Variants in PLCXD3 observed in about 807,000 individuals in gnomAD.
The protein encoded by PLCXD3 is PI-PLC X domain-containing protein 3.
Under a neutral mutation model 25.5 loss-of-function variants are expected in PLCXD3, and 19 were observed. That is an observed-to-expected ratio of 0.75 (90% CI 0.52 to 1.09). The LOEUF (loss-of-function observed/expected upper bound fraction) is 1.09, where lower values mean the gene tolerates loss of function less well. Ranked by LOEUF, PLCXD3 falls within the 50% of genes least tolerant of loss-of-function variation. The pLI is 0.00. For synonymous variants in PLCXD3, 174 were observed against 137.6 expected, an observed-to-expected ratio of 1.26 and a Z score of -1.85; for missense variants, 411 against 388.1, an observed-to-expected ratio of 1.06 and a Z score of -0.50.
intron 1 of PLCXD3, among the ~76,000 whole-genome samples, chr5:41,443,604 GAGAC>G (rs1380189143): frequency 5.9e-5 from 9 of 152,198 alleles, no homozygotes; most frequent in African/African-American, 2.2e-4. Context: ...ATTATTAGGA[GAGAC>G]AGAGCATGGA....
rs575317580 is a variant in PLCXD3, at chr5:41,388,741, T to C, written c.104-6207A>G. 1.6e-3 allele frequency among the ~76,000 whole-genome samples: 248 copies of C among 152,170 alleles called. 1 individual carries two copies. The highest frequency in any genetic ancestry group is 2.6e-3 in the Non-Finnish European group (179 of 67,962). ...TTTCATTAGTCATATTACTGTATTA[T>C]AATTTTAGCTAATAGAAAGACAACC... On this transcript the variant is annotated intron_variant, in intron 1 of 2. Coordinates refer to ENST00000377801, the MANE Select transcript of PLCXD3 (RefSeq NM_001005473.3).
At chr5:41,472,026 T>C (rs1251456380) in intron 1 of PLCXD3, among the ~76,000 whole-genome samples, 1 of 145,410 alleles carries the variant, frequency 6.9e-6, no homozygotes. Context: ...TCTTTTCTTC[T>C]CTTCTTCTCT....
In PLCXD3 at chr5:41,510,527, C is replaced by G; in HGVS notation, c.-1G>C. ...CGTTTTTCCCCTGAGACGAGGCCAT[C>G]GTGCCAGTCGGCGTGCAGCGCGCTG... On this transcript the variant is annotated 5_prime_UTR_variant, in exon 1 of 3. Transcript: ENST00000377801. 3.7e-6 allele frequency: 6 copies of G among 1,612,420 alleles called. No homozygotes were observed. The highest frequency in any genetic ancestry group is 3.3e-5 in the South Asian group (3 of 90,874).
At chr5:41,499,134 A>C (rs1580404555) in intron 1 of PLCXD3, among the ~76,000 whole-genome samples, 1 of 151,460 alleles carries the variant, frequency 6.6e-6, no homozygotes, top group Non-Finnish European at 1.5e-5. Context: ...ACATAATACT[A>C]TACACCCTAG....
At chr5:41,458,663 C>T (rs934589083) in intron 1 of PLCXD3, among the ~76,000 whole-genome samples, 2 of 151,888 alleles carry the variant, frequency 1.3e-5, no homozygotes, top group African/African-American at 4.8e-5. Flanking sequence ...GCTAAAATCC[C>T]ATGGAAATCT....
chr5:41,332,190 C>T (rs1190612776), intron 2 of PLCXD3, among the ~76,000 whole-genome samples: 1 of 152,120 alleles, frequency 6.6e-6, no homozygotes, highest in East Asian at 1.9e-4. Flanking sequence ...TCACAACCTA[C>T]TCATCTGACA....
intron 1 of PLCXD3, among the ~76,000 whole-genome samples, chr5:41,403,046 C>T (rs190889387): frequency 1.8e-4 from 27 of 152,024 alleles, no homozygotes; most frequent in East Asian, 5.8e-4. Context: ...TTTACTTTGT[C>T]GCATCTGTCC....
At chr5:41,446,767 T>A (rs1747514556) in intron 1 of PLCXD3, among the ~76,000 whole-genome samples, 1 of 152,194 alleles carries the variant, frequency 6.6e-6, no homozygotes, top group African/African-American at 2.4e-5. Context: ...TGCACCCGGA[T>A]AACAATTTTT....
chr5:41,346,098 CT>C (rs1744295538), intron 2 of PLCXD3, among the ~76,000 whole-genome samples: 1 of 152,136 alleles, frequency 6.6e-6, no homozygotes, highest in South Asian at 2.1e-4. Flanking sequence ...CGTGGCTGGT[CT>C]CGAACTCCTG....
chr5:41,385,561 C>T (rs1017930067), intron 1 of PLCXD3, among the ~76,000 whole-genome samples: 7 of 152,130 alleles, frequency 4.6e-5, no homozygotes, highest in African/African-American at 1.7e-4. Context: ...ATTGTACCCT[C>T]ATTCAGGCAC....
rs1175394892 is a variant in PLCXD3, at chr5:41,309,380, T to C, written c.*4237A>G. ...TATAGCATTTACACCATAGTGTCAC[T>C]GAAATCTAGCTGAAAAGACTAAAGT... On this transcript the variant is annotated 3_prime_UTR_variant, in exon 3 of 3. Coordinates refer to ENST00000377801, the MANE Select transcript of PLCXD3 (RefSeq NM_001005473.3). 1.3e-5 allele frequency: 2 copies of C among 152,592 alleles called. No homozygotes were observed. The highest frequency in any genetic ancestry group is 3.8e-4 in the East Asian group (2 of 5,196). The allele number at this position is 152,592 out of a possible 1,614,324, so 9.5% of individuals were successfully genotyped here. A position where few individuals can be genotyped will look rare whatever the true frequency, so the allele number is the denominator to read the frequency against.
intron 1 of PLCXD3, among the ~76,000 whole-genome samples, chr5:41,459,090 T>C (rs1747817061): frequency 6.6e-6 from 1 of 151,956 alleles, no homozygotes; most frequent in South Asian, 2.1e-4. Context: ...CCAAGTACTC[T>C]TTCAAGGGTC....
At position 41,313,513 on chromosome 5, in the gene PLCXD3, C is replaced by T; in HGVS notation, c.*104G>A. On this transcript the variant is annotated 3_prime_UTR_variant, in exon 3 of 3. Coordinates refer to ENST00000377801, the MANE Select transcript of PLCXD3 (RefSeq NM_001005473.3). ...TCCCACCCACTACCAGCCCTATTCCCTTCAGAGACTCAGTGGAATAGGAAG... is the reference window on the plus strand; with the variant it reads ...TCCCACCCACTACCAGCCCTATTCCTTTCAGAGACTCAGTGGAATAGGAAG... 7.1e-7 allele frequency: 1 copy of T among 1,408,828 alleles called. No individual in the cohort carries two copies. Among genetic ancestry groups the T allele is most frequent in the Non-Finnish European group, 9.9e-7 (1 of 1,006,858 alleles). 87.3% of individuals were successfully genotyped at this position (1,408,828 alleles called of 1,614,324 possible). A position where few individuals can be genotyped will look rare whatever the true frequency, so the allele number is the denominator to read the frequency against.
chr5:41,392,505 T>G (rs763450245), intron 1 of PLCXD3, among the ~76,000 whole-genome samples: 6 of 152,166 alleles, frequency 3.9e-5, no homozygotes, highest in Non-Finnish European at 8.8e-5. Flanking sequence ...GTTACTAGGC[T>G]TGGGGTGCTC....
rs1744517200 is a variant in PLCXD3, at chr5:41,353,103, T to A, written c.812+28723A>T. Among the ~76,000 whole-genome samples the A allele has an allele frequency of 2.0e-5, 3 of 151,524 alleles. No homozygotes were observed. The South Asian group carries it at 6.3e-4, about 32-fold the overall frequency. On this transcript the variant is annotated intron_variant, in intron 2 of 2. Coordinates refer to ENST00000377801, the MANE Select transcript of PLCXD3 (RefSeq NM_001005473.3). Reference sequence around the variant, plus strand: ...ATGTTGCACACTCAGCTTTTTTTTTTTTTTTTTGAGACAGAGTCTCGCTCT... The same window carrying A: ...ATGTTGCACACTCAGCTTTTTTTTTATTTTTTTGAGACAGAGTCTCGCTCT...
intron 1 of PLCXD3, among the ~76,000 whole-genome samples, chr5:41,413,675 C>A (rs1746619556): frequency 6.6e-6 from 1 of 152,000 alleles, no homozygotes; most frequent in African/African-American, 2.4e-5. Context: ...AAAAGTGTTT[C>A]TATTATTATT....
chr5:41,502,805 C>T lies in PLCXD3; in HGVS notation c.103+7619G>A, dbSNP rs888518548. On this transcript the variant is annotated intron_variant, in intron 1 of 2. Transcript: ENST00000377801. Reference sequence around the variant, plus strand: ...GGTACGTAGGACAGAAAAAGTGAGACGAGAACATTAAGATCATCTCCAAAG... The same window carrying T: ...GGTACGTAGGACAGAAAAAGTGAGATGAGAACATTAAGATCATCTCCAAAG... Among the ~76,000 whole-genome samples, 49 of 152,008 alleles carry T rather than the reference C, an allele frequency of 3.2e-4. 1 individual carries two copies. The highest frequency in any genetic ancestry group is 1.1e-3 in the African/African-American group (47 of 41,374).
At chr5:41,321,840 T>TAATG (rs1470635707) in intron 2 of PLCXD3, among the ~76,000 whole-genome samples, 1 of 152,180 alleles carries the variant, frequency 6.6e-6, no homozygotes, top group African/African-American at 2.4e-5. Context: ...GTATCTTCAG[T>TAATG]AATGGTGCTG....
intron 1 of PLCXD3, among the ~76,000 whole-genome samples, chr5:41,418,819 T>A (rs1746751178): frequency 6.6e-6 from 1 of 152,170 alleles, no homozygotes; most frequent in African/African-American, 2.4e-5. Flanking sequence ...TGGAGAAGAG[T>A]GTGACTCCCA....
Sources: gnomAD v4.1 joint callset for allele counts (sites outside exome capture counted in the v4.1 genomes callset) on GRCh38, gnomAD v4.1.1 for gene constraint, MANE v1.5 for transcripts, NCBI Gene and HGNC (gene_info 2026-07-23, HGNC 2026-07-21) for gene names.